Variants in ZW10 observed in about 807,000 individuals in gnomAD.
ZW10 encodes zw10 kinetochore protein.
A neutral mutation model predicts 87.8 loss-of-function variants in ZW10; 53 were observed. The ratio of observed to expected loss-of-function variants is 0.60; its 90% CI spans 0.48 to 0.76. The LOEUF (loss-of-function observed/expected upper bound fraction) is 0.76. Among genes scored for constraint, ZW10 ranks in the 30% least tolerant of loss-of-function variants. The probability of loss-of-function intolerance (pLI) is 0.00; values close to 1 mark genes in which losing one functional copy is unlikely to be tolerated. For missense variants in ZW10, 837 were observed against 923.0 expected, an observed-to-expected ratio of 0.91 and a Z score of 1.21; for synonymous variants, 312 against 329.2, an observed-to-expected ratio of 0.95 and a Z score of 0.57.
chr11:113,757,704 T>C lies in ZW10; in HGVS notation c.883A>G (p.Lys295Glu). The C allele has an allele frequency of 1.2e-6, 2 of 1,612,470 alleles. No individual in the cohort carries two copies. Among genetic ancestry groups the C allele is most frequent in the Non-Finnish European group, 1.7e-6 (2 of 1,178,906 alleles). ...AGCACTTCTAGTACCAGTCTGATCT[T>C]TGTAAAAACTTCAGATGGTGATGGA... ...EYPSPSEVFTKIRLVLEVLQK... is the reference protein window; with the variant it reads ...EYPSPSEVFTEIRLVLEVLQK... The change falls in exon 7 of 16, where the codon AAG becomes GAG. Residue 295 changes from lysine to glutamate, a missense_variant. Physicochemically the swap from Lys to Glu is moderately conservative, Grantham distance 56. Transcript: ENST00000200135.
At chr11:113,770,474 G>T (rs10891595) in intron 1 of ZW10, 8 of 150,766 alleles carry the variant, frequency 5.3e-5, no homozygotes, top group African/African-American at 2.0e-4. Context: ...TTGCTTATGA[G>T]ATGCATATGG....
chr11:113,742,846 T>C (rs1591411173), intron 10 of ZW10, among the ~76,000 whole-genome samples: 1 of 152,342 alleles, frequency 6.6e-6, no homozygotes, highest in East Asian at 1.9e-4. Context: ...GGAGACATGT[T>C]CTTCCTAGAG....
At chr11:113,736,348 T>C (rs1197084964) in intron 15 of ZW10, among the ~76,000 whole-genome samples, 1 of 151,922 alleles carries the variant, frequency 6.6e-6, no homozygotes, top group African/African-American at 2.4e-5. Context: ...GCTATAATTC[T>C]TACAGTTGCC....
In ZW10 at chr11:113,756,963, C is replaced by T. The variant is rs1467027247; in HGVS notation, c.925+699G>A. Among the ~76,000 whole-genome samples the T allele has an allele frequency of 3.9e-5, 6 of 152,056 alleles. No homozygotes were observed. In the East Asian group the frequency reaches 1.2e-3, roughly 29 times the overall value. On this transcript the variant is annotated intron_variant, in intron 7 of 15. Transcript: ENST00000200135. Reference sequence around the variant, plus strand: ...TTGCTTTACATATAGATTATTTATACATAAATATACAGTATATGACTGCCA... The same window carrying T: ...TTGCTTTACATATAGATTATTTATATATAAATATACAGTATATGACTGCCA...
intron 7 of ZW10, among the ~76,000 whole-genome samples, chr11:113,754,223 A>G (rs1953760403): frequency 6.6e-6 from 1 of 152,088 alleles, no homozygotes; most frequent in Non-Finnish European, 1.5e-5. Context: ...GATGGCTCAC[A>G]CCTGTAATCC....
At chr11:113,758,289 T>C (rs1342895611) in intron 6 of ZW10, among the ~76,000 whole-genome samples, 5 of 151,698 alleles carry the variant, frequency 3.3e-5, no homozygotes, top group African/African-American at 1.2e-4. Flanking sequence ...GCGGTGCAGG[T>C]TTTACCACTG....
intron 12 of ZW10, 98 bp downstream of exon 12, chr11:113,739,104 GCTCAGGACCAC>G: frequency 8.0e-7 from 1 of 1,255,396 alleles, no homozygotes; most frequent in Non-Finnish European, 1.1e-6. Flanking sequence ...TTCTGATACA[GCTCAGGACCAC>G]CACCTAATTT....
Position 113,746,495 on chromosome 11 carries a change from CAA to C in ZW10, c.1272+1034_1272+1035del, listed in dbSNP as rs566009326. ...GAGATATAACAGTAAACAAAACAGT[CAA>C]AAAAAAAAAAAAAAAAAACAACAAC... On this transcript the variant is annotated intron_variant, in intron 9 of 15. Coordinates refer to ENST00000200135, the MANE Select transcript of ZW10 (RefSeq NM_004724.4). 5.5e-3 allele frequency among the ~76,000 whole-genome samples: 584 copies of C among 105,328 alleles called. 1 individual carries two copies. Among genetic ancestry groups the C allele is most frequent in the African/African-American group, 0.013 (324 of 25,714 alleles). The allele number at this position is 105,328 out of a possible 152,430, so 69.1% of individuals were successfully genotyped here. A position where few individuals can be genotyped will look rare whatever the true frequency, so the allele number is the denominator to read the frequency against.
At chr11:113,771,078 C>T (rs1482768615) in intron 1 of ZW10, among the ~76,000 whole-genome samples, 2 of 150,644 alleles carry the variant, frequency 1.3e-5, no homozygotes, top group Non-Finnish European at 2.9e-5. Context: ...CGGGTTCAAG[C>T]GATTCTTCTG....
At position 113,742,705 on chromosome 11, in the gene ZW10, G is replaced by C. The variant is rs145446029; in HGVS notation, c.1512-940C>G. 1.4e-4 allele frequency among the ~76,000 whole-genome samples: 22 copies of C among 152,292 alleles called. No individual in the cohort carries two copies. The East Asian group carries it at 3.3e-3, about 23-fold the overall frequency. The stretch of plus-strand genomic sequence containing the variant: ...TTCTGGTCTGATATATTTCAGGAGA[G>C]TGCCATGTGAAGAAACAGTCCTATA... On this transcript the variant is annotated intron_variant, in intron 10 of 15. Transcript: ENST00000200135.
intron 2 of ZW10, among the ~76,000 whole-genome samples, chr11:113,764,415 T>C (rs939899318): frequency 6.6e-6 from 1 of 152,218 alleles, no homozygotes; most frequent in Non-Finnish European, 1.5e-5. Context: ...GGTAGTTTGA[T>C]GTGACAGCAT....
At chr11:113,742,816 A>G (rs1363549292) in intron 10 of ZW10, among the ~76,000 whole-genome samples, 1 of 152,226 alleles carries the variant, frequency 6.6e-6, no homozygotes, top group African/African-American at 2.4e-5. Context: ...ATGATTCATT[A>G]AAGCTAGGAA....
intron 15 of ZW10, 83 bp downstream of exon 15, chr11:113,736,537 G>C: frequency 7.1e-7 from 1 of 1,414,562 alleles, no homozygotes; most frequent in Admixed American, 1.7e-5. Context: ...TCAGGAAACA[G>C]GGAAAAGCCC....
In ZW10 at chr11:113,768,910, T is replaced by A; in HGVS notation, c.163A>T (p.Ser55Cys). 1 of 1,614,012 alleles carries A rather than the reference T, an allele frequency of 6.2e-7. No individual in the cohort carries two copies. Among genetic ancestry groups the A allele is most frequent in the Non-Finnish European group, 8.5e-7 (1 of 1,179,862 alleles). ...ACCTGGGTAATCAGGCCCTGCGCGC[T>A]CTGCATGCTAGGCAGGAATTCACTG... ...KYSEFLPSMQ[S>C]AQGLITQVDK... The change falls in exon 2 of 16, where the codon AGC (serine) becomes TGC (cysteine). Residue 55 changes from serine (S) to cysteine (C), a missense_variant. Ser to Cys is a moderately radical substitution (Grantham distance 112). Coordinates refer to ENST00000200135, the MANE Select transcript of ZW10 (RefSeq NM_004724.4).
chr11:113,748,296 C>T lies in ZW10; in HGVS notation c.1050G>A (p.Ser350=), dbSNP rs199771440. Residue 350 remains serine, a synonymous_variant, in exon 8 of 16, where the codon TCG becomes TCA. Transcript: ENST00000200135. The part of the protein sequence containing the change: ...ECLIKNCLVY[S]IPTNSSKLQQ... ...GTAATTTGCTGCTATTTGTTGGAAT[C>T]GAATAAACCAAACAGTTTTTGATGA... 4.2e-5 allele frequency: 68 copies of T among 1,612,760 alleles called. No individual in the cohort carries two copies. Among genetic ancestry groups the T allele is most frequent in the South Asian group, 9.9e-5 (9 of 90,852 alleles).
At chr11:113,748,797 T>A (rs1486633875) in intron 7 of ZW10, among the ~76,000 whole-genome samples, 1 of 152,214 alleles carries the variant, frequency 6.6e-6, no homozygotes, top group East Asian at 1.9e-4. Flanking sequence ...ACATACTTTT[T>A]TCGTCTCTGC....
At chr11:113,743,732 C>A in intron 10 of ZW10, 70 bp downstream of exon 10, 2 of 1,189,094 alleles carry the variant, frequency 1.7e-6, no homozygotes, top group South Asian at 1.4e-5. Flanking sequence ...GCTAATTTTC[C>A]TGATAAACAT....
intron 5 of ZW10, among the ~76,000 whole-genome samples, chr11:113,759,526 T>C (rs1432158291): frequency 3.3e-5 from 5 of 152,176 alleles, no homozygotes; most frequent in Middle Eastern, 3.4e-3. Context: ...TGTTGGAAAA[T>C]ACACCAGGTA....
chr11:113,741,315 G>A (rs1038124362), intron 11 of ZW10, among the ~76,000 whole-genome samples: 4 of 151,870 alleles, frequency 2.6e-5, no homozygotes, highest in Non-Finnish European at 5.9e-5. Flanking sequence ...TCTTGGCTAA[G>A]GAATAGCTTT....
Sources: gnomAD v4.1 joint callset for allele counts (sites outside exome capture counted in the v4.1 genomes callset) on GRCh38, gnomAD v4.1.1 for gene constraint, MANE v1.5 for transcripts, NCBI Gene and HGNC (gene_info 2026-07-23, HGNC 2026-07-21) for gene names.